Variants in IQGAP2 observed in about 807,000 individuals in gnomAD.
The protein encoded by IQGAP2 is IQ motif containing GTPase activating protein 2.
In IQGAP2, 173 loss-of-function variants were observed where a neutral mutation model predicts 201.3. The observed-to-expected ratio is 0.86, with a 90% CI of 0.76 to 0.98. The LOEUF is 0.98. IQGAP2 is among the 50% of genes least tolerant of loss of function. The pLI is 0.00. For missense variants in IQGAP2, 1,687 were observed against 1,864.8 expected, an observed-to-expected ratio of 0.90 and a Z score of 1.76; for synonymous variants, 675 against 673.9, an observed-to-expected ratio of 1.00 and a Z score of -0.03.
At chr5:76,545,244 G>A (rs1743026289) in intron 2 of IQGAP2, among the ~76,000 whole-genome samples, 1 of 152,162 alleles carries the variant, frequency 6.6e-6, no homozygotes. Flanking sequence ...AACAGAAGTG[G>A]CATCATAAAA....
chr5:76,452,666 C>T (rs1438266824), intron 1 of IQGAP2, among the ~76,000 whole-genome samples: 1 of 152,146 alleles, frequency 6.6e-6, no homozygotes, highest in Non-Finnish European at 1.5e-5. Flanking sequence ...GCGACACTCT[C>T]AGAAAAGCAA....
rs537251787 is a variant in IQGAP2 at position 76,536,498 on chromosome 5, G to A, written c.147-25898G>A. Among the ~76,000 whole-genome samples the A allele has an allele frequency of 1.7e-3, 253 of 151,682 alleles. 1 individual carries two copies. Among genetic ancestry groups the A allele is most frequent in the African/African-American group, 5.9e-3 (245 of 41,406 alleles). ...AATACAGCCGGGCACGGTGGCTCAC[G>A]CCTGTAATCCCAGCACTTTGGGAGG... On this transcript the variant is annotated intron_variant, in intron 2 of 35. Transcript: ENST00000274364.
In IQGAP2 at chr5:76,639,875, C is replaced by A. The variant is rs1751431047; in HGVS notation, c.1924-1058C>A. ...ACATTGTAGCAATGGATTATTAGTG[C>A]TAATTTTGAAGAAAAAAATGAAATT... On this transcript the variant is annotated intron_variant, in intron 16 of 35. Transcript: ENST00000274364. Among the ~76,000 whole-genome samples the A allele has an allele frequency of 2.6e-5, 4 of 151,972 alleles. No homozygotes were observed. The South Asian group carries it at 6.2e-4, about 24-fold the overall frequency.
intron 2 of IQGAP2, among the ~76,000 whole-genome samples, chr5:76,494,500 AC>A (rs1229507594): frequency 6.6e-6 from 1 of 152,098 alleles, no homozygotes; most frequent in African/African-American, 2.4e-5. Context: ...AATTTCAGAT[AC>A]CCCCACAATT....
chr5:76,563,577 A>G (rs963027828), intron 3 of IQGAP2, among the ~76,000 whole-genome samples: 9 of 152,240 alleles, frequency 5.9e-5, no homozygotes, highest in Admixed American at 5.9e-4. Context: ...AGCAAACGCC[A>G]ACCTAAAAGG....
intron 20 of IQGAP2, among the ~76,000 whole-genome samples, chr5:76,656,232 T>TCG (rs1752906562): frequency 6.6e-6 from 1 of 152,130 alleles, no homozygotes; most frequent in African/African-American, 2.4e-5. Flanking sequence ...TTTGTTTTTT[T>TCG]TTTTTCTTGA....
At position 76,627,623 on chromosome 5, in the gene IQGAP2, A is replaced by G. The variant is rs908968559; in HGVS notation, c.1612+123A>G. 31 of 644,204 alleles carry G rather than the reference A, an allele frequency of 4.8e-5. No individual in the cohort carries two copies. In the African/African-American group the frequency reaches 5.0e-4, roughly 10 times the overall value. The allele number at this position is 644,204 out of a possible 1,614,324, so 39.9% of individuals were successfully genotyped here. ...TTACCAAGTTTTAGTTCTTGGACAC[A>G]TAATTATACCGAAATTAGTTGGTTG... On this transcript the variant is annotated intron_variant, in intron 14 of 35. Transcript: ENST00000274364.
Position 76,562,485 on chromosome 5 carries a change from C to T in IQGAP2, c.236C>T (p.Ala79Val). The T allele has an allele frequency of 1.2e-6, 2 of 1,613,758 alleles. No individual in the cohort carries two copies. The highest frequency in any genetic ancestry group is 1.7e-6 in the Non-Finnish European group (2 of 1,179,730). The change falls in exon 3 of 36, where the codon GCC (alanine) becomes GTC (valine). Residue 79 changes from alanine to valine, a missense_variant. Transcript: ENST00000274364. ...AATGGAGTTTACCTTGCAAAGTTAG[C>T]CAAGTTCTTTGCCCCGAAAATGGTA... is the stretch of plus-strand genomic sequence containing the variant. ...LRNGVYLAKL[A>V]KFFAPKMVSE...
At chr5:76,531,376 C>T (rs1363082908) in intron 2 of IQGAP2, among the ~76,000 whole-genome samples, 3 of 152,144 alleles carry the variant, frequency 2.0e-5, no homozygotes, top group Admixed American at 6.5e-5. Context: ...AAGCAATCCA[C>T]GTGAGTAGCT....
chr5:76,436,500 TATATATATATATATATA>T (rs1375304284), intron 1 of IQGAP2, among the ~76,000 whole-genome samples: 4 of 22,084 alleles, frequency 1.8e-4, no homozygotes, highest in African/African-American at 8.5e-4. Context: ...TATATATATA[TATATATATATATATATA>T]TTTTTTTTTT....
chr5:76,606,363 T>C, intron 12 of IQGAP2, 60 bp downstream of exon 12: 1 of 1,429,978 alleles, frequency 7.0e-7, no homozygotes, highest in Non-Finnish European at 9.3e-7. Context: ...CTGGACAACT[T>C]AGTTTTCTAG....
At chr5:76,431,554 G>T (rs1752367065) in intron 1 of IQGAP2, among the ~76,000 whole-genome samples, 1 of 152,038 alleles carries the variant, frequency 6.6e-6, no homozygotes, top group South Asian at 2.1e-4. Flanking sequence ...GCCGGGCACG[G>T]TGGCTCATGC....
intron 1 of IQGAP2, among the ~76,000 whole-genome samples, chr5:76,436,318 A>G (rs1752643856): frequency 6.6e-6 from 1 of 151,254 alleles, no homozygotes; most frequent in Non-Finnish European, 1.5e-5. Flanking sequence ...AATGCTTTCA[A>G]CTTTTCCCCA....
At chr5:76,591,412 CCA>C (rs1746643700) in intron 8 of IQGAP2, among the ~76,000 whole-genome samples, 1 of 151,486 alleles carries the variant, frequency 6.6e-6, no homozygotes, top group African/African-American at 2.4e-5. Context: ...CCATTTGTAA[CCA>C]CCTTTCTGTG....
At chr5:76,426,905 G>GGGGTGTGTGTGT (rs1554054705) in intron 1 of IQGAP2, among the ~76,000 whole-genome samples, 51 of 146,698 alleles carry the variant, frequency 3.5e-4, no homozygotes, top group East Asian at 8.2e-4. Flanking sequence ...AACCATGGAG[G>GGGGTGTGTGTGT]GTGTGTGTGT....
intron 2 of IQGAP2, among the ~76,000 whole-genome samples, chr5:76,554,193 C>T (rs1743751760): frequency 6.6e-6 from 1 of 151,922 alleles, no homozygotes; most frequent in African/African-American, 2.4e-5. Context: ...ACATCATATA[C>T]AGAAAGTAGT....
chr5:76,695,717 T>C, intron 32 of IQGAP2, 51 bp downstream of exon 32: 1 of 1,458,192 alleles, frequency 6.9e-7, no homozygotes. Context: ...CATTTGCTAA[T>C]CACCAGTCAA....
chr5:76,420,659 G>A (rs754526616), intron 1 of IQGAP2, among the ~76,000 whole-genome samples: 12 of 152,184 alleles, frequency 7.9e-5, no homozygotes, highest in Non-Finnish European at 1.2e-4. Flanking sequence ...ACAGGCGTGA[G>A]CCACCGTGCC....
chr5:76,665,058 G>GA lies in IQGAP2; in HGVS notation c.2568dup (p.Gly857ArgfsTer9). On this transcript the variant is annotated frameshift_variant, in exon 22 of 36. Coordinates refer to ENST00000274364, the MANE Select transcript of IQGAP2 (RefSeq NM_006633.5). LOFTEE classifies it high-confidence loss of function. Reference sequence around the variant, plus strand: ...TTTCACATAGTAAAAAGCTGAACAAGAAAAAAGGAGGAGAAATGGAAATAC... The same window carrying GA: ...TTTCACATAGTAAAAAGCTGAACAAGAAAAAAAGGAGGAGAAATGGAAATAC... 6.3e-7 allele frequency: 1 copy of GA among 1,591,742 alleles called. No individual in the cohort carries two copies. Among genetic ancestry groups the GA allele is most frequent in the Non-Finnish European group, 8.6e-7 (1 of 1,160,512 alleles).
Sources: gnomAD v4.1 joint callset for allele counts (sites outside exome capture counted in the v4.1 genomes callset) on GRCh38, gnomAD v4.1.1 for gene constraint, MANE v1.5 for transcripts, NCBI Gene and HGNC (gene_info 2026-07-23, HGNC 2026-07-21) for gene names.